Variants in DYNC1LI2 observed in about 807,000 individuals in gnomAD.
The protein encoded by DYNC1LI2 is cytoplasmic dynein 1 light intermediate chain 2.
A neutral mutation model predicts 57.8 loss-of-function variants in DYNC1LI2; 19 were observed. The observed-to-expected ratio is 0.33, with a 90% confidence interval of 0.23 to 0.48. DYNC1LI2 has a LOEUF of 0.48. Among genes scored for constraint, DYNC1LI2 ranks in the 20% least tolerant of loss-of-function variants. The pLI, the probability that DYNC1LI2 is intolerant of heterozygous loss-of-function variation, is 0.99. For synonymous variants in DYNC1LI2, 256 were observed against 233.4 expected (o/e 1.10, Z -0.88); for missense variants, 470 against 604.2 (o/e 0.78, Z 2.33).
At chr16:66,730,078 G>A (rs1456071142) in intron 8 of DYNC1LI2, 34 bp downstream of exon 8, 1 of 1,595,578 alleles carries the variant, frequency 6.3e-7, no homozygotes, top group East Asian at 2.2e-5. Flanking sequence ...ACCGCGCCCG[G>A]CCCTAAACCC....
intron 12 of DYNC1LI2, among the ~76,000 whole-genome samples, chr16:66,724,228 T>C (rs1567446584): frequency 6.6e-6 from 1 of 152,226 alleles, no homozygotes; most frequent in African/African-American, 2.4e-5. Context: ...TTTTTGTTTA[T>C]AACATTCTAG....
rs957825377 is a variant in DYNC1LI2 at position 66,722,169 on chromosome 16, CAA to C, written c.*1551_*1552del. 54 of 152,744 alleles carry C rather than the reference CAA, an allele frequency of 3.5e-4. No individual in the cohort carries two copies. The highest frequency in any genetic ancestry group is 1.3e-3 in the African/African-American group (52 of 41,570). The allele number at this position is 152,744 out of a possible 1,614,324, so 9.5% of individuals were successfully genotyped here. A position where few individuals can be genotyped will look rare whatever the true frequency, so the allele number is the denominator to read the frequency against. ...TACGAAAGCAATTCAAGAAAGTCTT[CAA>C]AGAGTCTTGACACAACATAGGATAT... is the stretch of plus-strand genomic sequence containing the variant. On this transcript the variant is annotated 3_prime_UTR_variant, in exon 13 of 13. Transcript: ENST00000258198.
chr16:66,728,579 C>T (rs1212919197), intron 9 of DYNC1LI2, among the ~76,000 whole-genome samples: 1 of 152,166 alleles, frequency 6.6e-6, no homozygotes, highest in East Asian at 1.9e-4. Flanking sequence ...CAGGACACAT[C>T]TAACAATAAT....
rs537467313 is a variant in DYNC1LI2 at position 66,743,512 on chromosome 16, G to C, written c.299-844C>G. Among the ~76,000 whole-genome samples the C allele has an allele frequency of 2.9e-5, 4 of 138,796 alleles. No individual in the cohort carries two copies. The South Asian group carries it at 9.2e-4, about 32-fold the overall frequency. The allele number at this position is 138,796 out of a possible 152,430, so 91.1% of individuals were successfully genotyped here. A position where few individuals can be genotyped will look rare whatever the true frequency, so the allele number is the denominator to read the frequency against. ...GGAGGCAGATGTTGCAGTGAGTCGA[G>C]ATCGTGCCACTGCACTCCAGCCTGG... On this transcript the variant is annotated intron_variant, in intron 3 of 12. Coordinates refer to ENST00000258198, the MANE Select transcript of DYNC1LI2 (RefSeq NM_006141.3).
rs2017478433 is a variant in DYNC1LI2, at chr16:66,723,211, T to C, written c.*511A>G. On this transcript the variant is annotated 3_prime_UTR_variant, in exon 13 of 13. Coordinates refer to ENST00000258198, the MANE Select transcript of DYNC1LI2 (RefSeq NM_006141.3). The stretch of plus-strand genomic sequence containing the variant: ...CTGAATGCACAGTATTTACTGACAC[T>C]GCTCATCTCCTCCTTCCTCCACCTC... 9.9e-6 allele frequency: 4 copies of C among 402,316 alleles called. No homozygotes were observed. The highest frequency in any genetic ancestry group is 1.5e-5 in the Non-Finnish European group (3 of 198,482). 24.9% of individuals were successfully genotyped at this position (402,316 alleles called of 1,614,324 possible).
At chr16:66,745,551 T>G (rs1284624410) in intron 3 of DYNC1LI2, among the ~76,000 whole-genome samples, 2 of 151,116 alleles carry the variant, frequency 1.3e-5, no homozygotes, top group Non-Finnish European at 2.9e-5. Flanking sequence ...GTGCTGGGAT[T>G]ACAGGCGTGA....
In DYNC1LI2 at chr16:66,727,750, G is replaced by A; in HGVS notation, c.1199C>T (p.Pro400Leu). The change falls in exon 11 of 13, where the codon CCA becomes CTA. Residue 400 changes from proline to leucine, a missense_variant. Physicochemically the swap from Pro to Leu is moderately conservative, Grantham distance 98. Transcript: ENST00000258198. The part of the protein sequence containing the change: ...GSPRTQGRGG[P>L]ASVPSSSPGT... ...TGGGGAGGAGCTAGGCACACTGGCT[G>A]GCCCTCCCCGACCCTGGGTCCTTGG... 6.2e-7 allele frequency: 1 copy of A among 1,614,050 alleles called. No individual in the cohort carries two copies.
intron 3 of DYNC1LI2, among the ~76,000 whole-genome samples, chr16:66,747,304 G>C (rs1004408934): frequency 4.0e-5 from 6 of 151,756 alleles, no homozygotes; most frequent in African/African-American, 1.5e-4. Context: ...GTCTCAAATG[G>C]ACCTCAGGTG....
At chr16:66,747,128 G>A (rs1264198240) in intron 3 of DYNC1LI2, among the ~76,000 whole-genome samples, 2 of 149,302 alleles carry the variant, frequency 1.3e-5, no homozygotes, top group African/African-American at 5.0e-5. Flanking sequence ...TGCCCAGGCT[G>A]GAGTGCAGTG....
At chr16:66,731,450 T>G (rs1345668617) in intron 7 of DYNC1LI2, 1 of 152,370 alleles carries the variant, frequency 6.6e-6, no homozygotes, top group Admixed American at 6.5e-5. Context: ...TCTCACAGAC[T>G]GCACTCCCCG....
At chr16:66,728,370 AC>A in intron 9 of DYNC1LI2, 128 bp from the exon 10 acceptor site, 1 of 1,061,832 alleles carries the variant, frequency 9.4e-7, no homozygotes, top group Non-Finnish European at 1.4e-6. Flanking sequence ...TATGTTTTAT[AC>A]CACAGATGCC....
chr16:66,723,739 T>C lies in DYNC1LI2; in HGVS notation c.1462A>G (p.Thr488Ala). The change falls in exon 13 of 13, where the codon ACA (threonine) becomes GCA (alanine). Residue 488 changes from threonine to alanine, a missense_variant. Transcript: ENST00000258198. Reference sequence around the variant, plus strand: ...AAGGAGGTTCAGGCTTCATTTTCTGTTGAAGAGTTTGTTACCATAGAGTCT... The same window carrying C: ...AAGGAGGTTCAGGCTTCATTTTCTGCTGAAGAGTTTGTTACCATAGAGTCT... Reference protein sequence around the residue: ...KPDSMVTNSSTENEA With the variant: ...KPDSMVTNSSAENEA The C allele has an allele frequency of 6.2e-7, 1 of 1,605,656 alleles. No homozygotes were observed.
At position 66,751,362 on chromosome 16, in the gene DYNC1LI2, C is replaced by T. The variant is rs200149815; in HGVS notation, c.108-16G>A. The stretch of plus-strand genomic sequence containing the variant: ...AATGGAGGACCTGTGGCGACAATGG[C>T]AAGAGTGGTCAGCCCCGGGCCGGGC... On this transcript the variant is annotated splice_polypyrimidine_tract_variant and intron_variant, in intron 1 of 12. Transcript: ENST00000258198. The surrounding 1 kb of genome is among the most constrained non-coding windows in gnomAD (Gnocchi z 5.2). 314 of 1,610,334 alleles carry T rather than the reference C, an allele frequency of 1.9e-4. 3 individuals carry two copies. In the East Asian group the frequency reaches 7.0e-3, roughly 36 times the overall value.
intron 5 of DYNC1LI2, among the ~76,000 whole-genome samples, chr16:66,734,997 C>CAAAAAAA (rs377398071): frequency 3.1e-4 from 12 of 38,566 alleles, no homozygotes; most frequent in African/African-American, 1.0e-3. Context: ...AACTCCGTCT[C>CAAAAAAA]AAAAAAAAAA....
intron 2 of DYNC1LI2, among the ~76,000 whole-genome samples, chr16:66,749,773 G>A (rs1257170114): frequency 6.6e-6 from 1 of 152,200 alleles, no homozygotes. Flanking sequence ...GTGAAGAATG[G>A]AAGTTATTCA....
At position 66,722,491 on chromosome 16, in the gene DYNC1LI2, T is replaced by A. The variant is rs1328054282; in HGVS notation, c.*1231A>T. The stretch of plus-strand genomic sequence containing the variant: ...ACAATGTGCATGAATTTGCCCTAGG[T>A]GGGGAGACACCTGAAACTCTTATTT... On this transcript the variant is annotated 3_prime_UTR_variant, in exon 13 of 13. Coordinates refer to ENST00000258198, the MANE Select transcript of DYNC1LI2 (RefSeq NM_006141.3). 1 of 152,590 alleles carries A rather than the reference T, an allele frequency of 6.6e-6. No individual in the cohort carries two copies. The highest frequency in any genetic ancestry group is 1.5e-5 in the Non-Finnish European group (1 of 68,026). The allele number at this position is 152,590 out of a possible 1,614,324, so 9.5% of individuals were successfully genotyped here.
chr16:66,734,150 T>A, intron 6 of DYNC1LI2, 68 bp downstream of exon 6: 3 of 1,478,862 alleles, frequency 2.0e-6, no homozygotes, highest in South Asian at 1.2e-5. Context: ...AGGTGCTTTA[T>A]CTCTTTGAAG....
intron 4 of DYNC1LI2, chr16:66,739,011 C>T (rs527515387): frequency 2.6e-5 from 4 of 152,204 alleles, no homozygotes; most frequent in African/African-American, 9.6e-5. Context: ...AGAAGAACTC[C>T]TCCATGTGGT....
chr16:66,726,462 T>C (rs914644114), intron 11 of DYNC1LI2, among the ~76,000 whole-genome samples: 1 of 152,124 alleles, frequency 6.6e-6, no homozygotes, highest in Non-Finnish European at 1.5e-5. Flanking sequence ...ATAAACATAA[T>C]GAGAAACAAA....
Sources: gnomAD v4.1 joint callset for allele counts (sites outside exome capture counted in the v4.1 genomes callset) on GRCh38, gnomAD v4.1.1 for gene constraint, Gnocchi (gnomAD v3.1) non-coding constraint, MANE v1.5 for transcripts, NCBI Gene and HGNC (gene_info 2026-07-23, HGNC 2026-07-21) for gene names.